The following HECTD4 variants were observed in gnomAD, a reference collection of about 807,000 sequenced individuals.
HECTD4 encodes HECT domain E3 ubiquitin protein ligase 4, also known as probable E3 ubiquitin-protein ligase HECTD4.
Under a neutral mutation model 471.5 loss-of-function variants are expected in HECTD4, and 114 were observed. That is an observed-to-expected ratio of 0.24 (90% confidence interval 0.21 to 0.28). The LOEUF is 0.28. Among genes scored for constraint, HECTD4 ranks in the 10% least tolerant of loss-of-function variants. The probability of loss-of-function intolerance (pLI) is 1.00; values close to 1 mark genes in which losing one functional copy is unlikely to be tolerated. For missense variants in HECTD4, 3,866 were observed against 5,651.5 expected (o/e 0.68, Z 10.13); for synonymous variants, 2,012 against 2,256.0 (o/e 0.89, Z 3.07).
chr12:112,281,813 T>A (rs1455392546), intron 8 of HECTD4, among the ~76,000 whole-genome samples: 2 of 152,240 alleles, frequency 1.3e-5, no homozygotes, highest in Non-Finnish European at 2.9e-5. Flanking sequence ...ATTCATTAAA[T>A]GCATATTAAT....
intron 9 of HECTD4, among the ~76,000 whole-genome samples, chr12:112,277,927 G>T (rs887024016): frequency 6.6e-6 from 1 of 152,022 alleles, no homozygotes; most frequent in African/African-American, 2.4e-5. Flanking sequence ...GTTACTAAAA[G>T]AAACAAGATT....
chr12:112,259,419 C>T (rs1430210736), intron 18 of HECTD4, among the ~76,000 whole-genome samples, 154 bp from the exon 19 acceptor site: 2 of 152,148 alleles, frequency 1.3e-5, no homozygotes, highest in Non-Finnish European at 2.9e-5. Flanking sequence ...ACAAATTTTC[C>T]ACCTTCTGCC....
At chr12:112,348,201 A>G (rs987243724) in intron 1 of HECTD4, among the ~76,000 whole-genome samples, 2 of 152,228 alleles carry the variant, frequency 1.3e-5, no homozygotes, top group African/African-American at 4.8e-5. Flanking sequence ...TTAACACAAG[A>G]GTAGTTCTAC....
chr12:112,230,575 T>C (rs868088869), intron 40 of HECTD4, 112 bp downstream of exon 40: 2 of 1,266,950 alleles, frequency 1.6e-6, no homozygotes, highest in Middle Eastern at 2.4e-4. Flanking sequence ...TTAACAGGTA[T>C]CTGATGAATT....
intron 1 of HECTD4, among the ~76,000 whole-genome samples, chr12:112,376,640 TC>T (rs1354412042): frequency 6.6e-6 from 1 of 152,142 alleles, no homozygotes; most frequent in Non-Finnish European, 1.5e-5. Flanking sequence ...ATCTCTCCTC[TC>T]CCCTTTAGCT....
rs2033914244 is a variant in HECTD4 at position 112,252,460 on chromosome 12, T to C, written c.3516A>G (p.Lys1172=). ...CTGTGCAAGCAAAGCCCCACATGGCTTTATCAGGAGTGTTGTGTTCACGGC... is the reference window on the plus strand; with the variant it reads ...CTGTGCAAGCAAAGCCCCACATGGCCTTATCAGGAGTGTTGTGTTCACGGC... ...RSGREHNTPD[K]AMWGFACTVR... The change falls in exon 23 of 76, where the codon AAA becomes AAG. Residue 1172 remains lysine, a synonymous_variant. Transcript: ENST00000682272. 6.2e-7 allele frequency: 1 copy of C among 1,611,874 alleles called. No individual in the cohort carries two copies. Among genetic ancestry groups the C allele is most frequent in the Non-Finnish European group, 8.5e-7 (1 of 1,179,164 alleles).
chr12:112,376,151 C>T (rs1223697612), intron 1 of HECTD4, among the ~76,000 whole-genome samples: 4 of 152,070 alleles, frequency 2.6e-5, no homozygotes, highest in Non-Finnish European at 5.9e-5. Context: ...TAAATACAAA[C>T]GGCTATTTTT....
In HECTD4 at chr12:112,179,146, C is replaced by G; in HGVS notation, c.11211+28G>C. The G allele has an allele frequency of 6.2e-7, 1 of 1,613,426 alleles. No homozygotes were observed. Among genetic ancestry groups the G allele is most frequent in the Non-Finnish European group, 8.5e-7 (1 of 1,179,698 alleles). On this transcript the variant is annotated intron_variant, in intron 63 of 75. Coordinates refer to ENST00000682272, the MANE Select transcript of HECTD4 (RefSeq NM_001388303.1). The surrounding 1 kb of genome is among the most constrained non-coding windows in gnomAD (Gnocchi z 4.3). Reference sequence around the variant, plus strand: ...GCCCTGCAGGGCACCCAAGGCCCGGCCTGGGTATGGTGGGGACGGGCAGCT... The same window carrying G: ...GCCCTGCAGGGCACCCAAGGCCCGGGCTGGGTATGGTGGGGACGGGCAGCT...
Position 112,176,681 on chromosome 12 carries a change from C to T in HECTD4, c.11385G>A (p.Lys3795=), listed in dbSNP as rs2031460600. The stretch of plus-strand genomic sequence containing the variant: ...GTGATTTTGGCTTCACAGTTGGCTT[C>T]TTCTCACTTAAGGCAGTCCTGCTGT... ...NSVSRTALSE[K]KPTVKPKSPE... is the part of the protein sequence containing the mutation. Residue 3795 remains lysine (K), a synonymous_variant, in exon 65 of 76, where the codon AAG becomes AAA. Transcript: ENST00000682272. 6.2e-7 allele frequency: 1 copy of T among 1,613,802 alleles called. No homozygotes were observed. Among genetic ancestry groups the T allele is most frequent in the African/African-American group, 1.3e-5 (1 of 74,924 alleles).
intron 2 of HECTD4, among the ~76,000 whole-genome samples, chr12:112,315,091 G>A (rs905890492): frequency 2.0e-5 from 3 of 152,120 alleles, no homozygotes; most frequent in Non-Finnish European, 2.9e-5. Context: ...CTTGCAACAG[G>A]GCTCACCGCT....
rs751521092 is a variant in HECTD4 at position 112,203,755 on chromosome 12, G to A, written c.8287C>T (p.Arg2763Cys). Residue 2763 changes from arginine (R) to cysteine (C), a missense_variant, in exon 54 of 76, where the codon CGC (arginine) becomes TGC (cysteine). By Grantham distance (180) the Arg-to-Cys change is radical. Around this residue, in one of 16 missense-constraint regions of HECTD4, gnomAD observed 266 missense variants for 441.6 expected, o/e 0.60. Coordinates refer to ENST00000682272, the MANE Select transcript of HECTD4 (RefSeq NM_001388303.1). ...KVRKGLTVVT[R>C]SPDSNNVASS... is the part of the protein sequence containing the mutation. ...GCTACATTATTGCTGTCTGGAGAGC[G>A]GGTTACTACTGTGAGACCTGAGGAG... 6 of 1,610,532 alleles carry A rather than the reference G, an allele frequency of 3.7e-6. No homozygotes were observed. Among genetic ancestry groups the A allele is most frequent in the East Asian group, 2.2e-5 (1 of 44,730 alleles).
intron 20 of HECTD4, 25 bp from the exon 21 acceptor site, chr12:112,256,543 T>C: frequency 6.8e-7 from 1 of 1,473,202 alleles, no homozygotes; most frequent in Non-Finnish European, 9.1e-7. Context: ...AGAAAGTGAT[T>C]TAGCTTAGCA....
At chr12:112,270,040 T>C (rs1056831415) in intron 12 of HECTD4, among the ~76,000 whole-genome samples, 187 bp downstream of exon 12, 3 of 152,242 alleles carry the variant, frequency 2.0e-5, no homozygotes, top group Non-Finnish European at 4.4e-5. Flanking sequence ...TAATACGCTA[T>C]GTATAGCAAT....
intron 38 of HECTD4, 49 bp from the exon 39 acceptor site, chr12:112,231,764 C>A (rs1440673422): frequency 1.3e-6 from 2 of 1,491,910 alleles, no homozygotes; most frequent in Non-Finnish European, 1.8e-6. Flanking sequence ...GTCTTCCCAG[C>A]ACTATATTTT....
At position 112,239,497 on chromosome 12, in the gene HECTD4, T is replaced by A. The variant is rs369039631; in HGVS notation, c.5106-261A>T. On this transcript the variant is annotated intron_variant, in intron 33 of 75. Transcript: ENST00000682272. The surrounding 1 kb of genome is among the most constrained non-coding windows in gnomAD (Gnocchi z 4.9). ...TCAATGTTGCCATGATGGAAAAAAATCATGTATTTTGTCCTAAGGGGATTC... is the reference window on the plus strand; with the variant it reads ...TCAATGTTGCCATGATGGAAAAAAAACATGTATTTTGTCCTAAGGGGATTC... Among the ~76,000 whole-genome samples, 5 of 152,292 alleles carry A rather than the reference T, an allele frequency of 3.3e-5. No homozygotes were observed. In the East Asian group the frequency reaches 9.7e-4, roughly 29 times the overall value.
Position 112,308,821 on chromosome 12 carries a change from G to A in HECTD4, c.1096C>T (p.His366Tyr). The A allele has an allele frequency of 6.5e-7, 1 of 1,535,986 alleles. No homozygotes were observed. Among genetic ancestry groups the A allele is most frequent in the Non-Finnish European group, 8.7e-7 (1 of 1,146,816 alleles). The change falls in exon 6 of 76, where the codon CAC becomes TAC. Residue 366 changes from histidine (H) to tyrosine (Y), a missense_variant. Around this residue, in one of 16 missense-constraint regions of HECTD4, gnomAD observed 440 missense variants for 636.0 expected, o/e 0.69. Transcript: ENST00000682272. ...WVAFGSGSLL[H>Y]RPVSFDNKPH... ...TTATTATCGAAAGAGACAGGCCGGT[G>A]GAGAAGACTGCCGCTGCCAAAAGCC...
chr12:112,185,537 G>T, intron 60 of HECTD4, 44 bp from the exon 61 acceptor site: 1 of 1,431,360 alleles, frequency 7.0e-7, no homozygotes, highest in Non-Finnish European at 9.5e-7. Context: ...ATGCAGCACT[G>T]GCTATGTTCC....
intron 1 of HECTD4, among the ~76,000 whole-genome samples, chr12:112,339,493 G>A (rs1008014004): frequency 6.6e-6 from 1 of 152,102 alleles, no homozygotes; most frequent in South Asian, 2.1e-4. Flanking sequence ...AAGAGAGGGA[G>A]TGTTGGTCTT....
In HECTD4 at chr12:112,184,055, C is replaced by T. The variant is rs1217750099; in HGVS notation, c.10779+132G>A. 1.0e-5 allele frequency: 9 copies of T among 866,252 alleles called. 1 individual carries two copies. The highest frequency in any genetic ancestry group is 1.6e-5 in the Non-Finnish European group (9 of 551,768). The allele number at this position is 866,252 out of a possible 1,614,324, so 53.7% of individuals were successfully genotyped here. On this transcript the variant is annotated intron_variant, in intron 61 of 75. Coordinates refer to ENST00000682272, the MANE Select transcript of HECTD4 (RefSeq NM_001388303.1). This position sits in a 1 kb window ranked among gnomAD's most constrained non-coding sequence, Gnocchi z 9.1. ...CCAAGCAGCCTCACTGTGCTCATTC[C>T]AAGGGCTGCCCCAGGGAGCCCCCAA...
Sources: gnomAD v4.1 joint callset for allele counts (sites outside exome capture counted in the v4.1 genomes callset) on GRCh38, gnomAD v4.1.1 for gene constraint, gnomAD v4.1.1 regional missense constraint, Gnocchi (gnomAD v3.1) non-coding constraint, MANE v1.5 for transcripts, NCBI Gene and HGNC (gene_info 2026-07-23, HGNC 2026-07-21) for gene names.